Variants in SNX32 observed in about 807,000 individuals in gnomAD.
The protein encoded by SNX32 is sorting nexin 32, also known as sorting nexin-32.
A neutral mutation model predicts 57.0 loss-of-function variants in SNX32; 58 were observed. That is an observed-to-expected ratio of 1.02 (90% CI 0.82 to 1.27). The LOEUF (loss-of-function observed/expected upper bound fraction) is 1.27. Ranked by LOEUF, SNX32 falls within the 50% of genes most tolerant of loss-of-function variation. The pLI, the probability that SNX32 is intolerant of heterozygous loss-of-function variation, is 0.00. For synonymous variants in SNX32, 262 were observed against 220.4 expected, an observed-to-expected ratio of 1.19 and a Z score of -1.67; for missense variants, 589 against 541.2, an observed-to-expected ratio of 1.09 and a Z score of -0.88.
chr11:65,850,507 C>A lies in SNX32; in HGVS notation c.451C>A (p.Leu151Met), dbSNP rs763307587. ...FLQRLAAHPTLRRDHNFFVFL... is the reference protein window; with the variant it reads ...FLQRLAAHPTMRRDHNFFVFL... The stretch of plus-strand genomic sequence containing the variant: ...GCAGCGCCTGGCGGCCCACCCCACC[C>A]TGCGTCGAGACCACAACTTCTTTGT... Residue 151 changes from leucine to methionine, a missense_variant, in exon 5 of 13, where the codon CTG becomes ATG. Coordinates refer to ENST00000308342, the MANE Select transcript of SNX32 (RefSeq NM_152760.3). The A allele has an allele frequency of 1.2e-6, 2 of 1,613,754 alleles. No individual in the cohort carries two copies. The highest frequency in any genetic ancestry group is 2.7e-5 in the African/African-American group (2 of 74,924).
Position 65,852,916 on chromosome 11 carries a change from G to C in SNX32, c.1116G>C (p.Lys372Asn). Residue 372 changes from lysine (K) to asparagine (N), a missense_variant, in exon 12 of 13, where the codon AAG becomes AAC. Coordinates refer to ENST00000308342, the MANE Select transcript of SNX32 (RefSeq NM_152760.3). ...FKSRRVSSFR[K>N]NLIELAELEL... ...CCCGCCGGGTCTCCTCTTTTCGAAA[G>C]AATCTCATTGAGCTGGCAGAGCTGG... The C allele has an allele frequency of 6.2e-7, 1 of 1,614,172 alleles. No individual in the cohort carries two copies. Among genetic ancestry groups the C allele is most frequent in the African/African-American group, 1.3e-5 (1 of 75,040 alleles).
chr11:65,839,218 TTTTTGTA>T (rs1215334565), intron 1 of SNX32, among the ~76,000 whole-genome samples: 52 of 20,522 alleles, frequency 2.5e-3, no homozygotes, highest in African/African-American at 5.0e-3. Context: ...CCAGCTAATT[TTTTTGTA>T]TTTTTTTTTT....
rs1168882508 is a variant in SNX32 at position 65,839,225 on chromosome 11, ATTT to A, written c.36+5144_36+5146del. Among the ~76,000 whole-genome samples, 156 of 27,648 alleles carry A rather than the reference ATTT, an allele frequency of 5.6e-3. 10 individuals carry two copies. The South Asian group carries it at 0.1, about 18-fold the overall frequency. 18.1% of individuals were successfully genotyped at this position (27,648 alleles called of 152,430 possible). On this transcript the variant is annotated intron_variant, in intron 1 of 12. Transcript: ENST00000308342. ...CACCACGCCCAGCTAATTTTTTTGT[ATTT>A]TTTTTTTTTTTTTTTTTTTGAGACG...
chr11:65,846,704 C>T (rs2134695545), intron 1 of SNX32, among the ~76,000 whole-genome samples: 1 of 151,364 alleles, frequency 6.6e-6, no homozygotes, highest in African/African-American at 2.4e-5. Context: ...ATGTTTTTTG[C>T]CAGGCACGGT....
intron 1 of SNX32, among the ~76,000 whole-genome samples, chr11:65,849,014 C>T (rs1254857038): frequency 1.3e-5 from 2 of 152,234 alleles, no homozygotes; most frequent in African/African-American, 4.8e-5. Context: ...CATGGTGGCT[C>T]ATGCCTGTGG....
chr11:65,853,160 TAAC>T lies in SNX32; in HGVS notation c.1159-120_1159-118del, dbSNP rs1003004123. On this transcript the variant is annotated intron_variant, in intron 12 of 12. Coordinates refer to ENST00000308342, the MANE Select transcript of SNX32 (RefSeq NM_152760.3). The stretch of plus-strand genomic sequence containing the variant: ...TGCCTTCTGGGTAGGAAGGCCCAAT[TAAC>T]AGCAGCTGTTATTGCAGAGAGCAGG... The T allele has an allele frequency of 2.8e-5, 40 of 1,447,494 alleles. No homozygotes were observed. In the Admixed American group the frequency reaches 6.6e-4, roughly 24 times the overall value. 89.7% of individuals were successfully genotyped at this position (1,447,494 alleles called of 1,614,324 possible). A position where few individuals can be genotyped will look rare whatever the true frequency, so the allele number is the denominator to read the frequency against.
rs773122832 is a variant in SNX32 at position 65,852,717 on chromosome 11, G to A, written c.1000G>A (p.Val334Met). 1.2e-6 allele frequency: 2 copies of A among 1,600,860 alleles called. No homozygotes were observed. The highest frequency in any genetic ancestry group is 1.7e-5 in the Admixed American group (1 of 58,754). The change falls in exon 11 of 13, where the codon GTG (valine) becomes ATG (methionine). Residue 334 changes from valine to methionine, a missense_variant. Val to Met is a conservative substitution (Grantham distance 21, BLOSUM62 1). Coordinates refer to ENST00000308342, the MANE Select transcript of SNX32 (RefSeq NM_152760.3). ...LDKARTRNRE[V>M]RPAESHQQLC... ...CAAGGCGCGCACCAGGAACCGGGAG[G>A]TGCGGCCCGCCGAGAGCCACCAGCA...
In SNX32 at chr11:65,853,544, A is replaced by C; in HGVS notation, c.*209A>C. The C allele has an allele frequency of 1.7e-6, 1 of 600,304 alleles. No individual in the cohort carries two copies. The highest frequency in any genetic ancestry group is 4.4e-4 in the Middle Eastern group (1 of 2,284). The allele number at this position is 600,304 out of a possible 1,614,324, so 37.2% of individuals were successfully genotyped here. A position where few individuals can be genotyped will look rare whatever the true frequency, so the allele number is the denominator to read the frequency against. On this transcript the variant is annotated 3_prime_UTR_variant, in exon 13 of 13. Coordinates refer to ENST00000308342, the MANE Select transcript of SNX32 (RefSeq NM_152760.3). Reference sequence around the variant, plus strand: ...CAAGACACAGGGCAGCATGGGCATCATAACTGGCCACAGTCAGCAGAGCCC... The same window carrying C: ...CAAGACACAGGGCAGCATGGGCATCCTAACTGGCCACAGTCAGCAGAGCCC...
In SNX32 at chr11:65,849,488, C is replaced by T; in HGVS notation, c.47C>T (p.Ala16Val). 1 of 1,611,306 alleles carries T rather than the reference C, an allele frequency of 6.2e-7. No individual in the cohort carries two copies. ...EVGKEGKPSC[A>V]SVDLQGDSSL... ...TCCCCTCCTCCGCAGCCTTCCTGTG[C>T]ATCGGTGGATCTGCAGGGAGACAGC... The change falls in exon 2 of 13, where the codon GCA becomes GTA. Residue 16 changes from alanine to valine, a missense_variant. By Grantham distance (64) the Ala-to-Val change is moderately conservative. Coordinates refer to ENST00000308342, the MANE Select transcript of SNX32 (RefSeq NM_152760.3).
rs200429771 is a variant in SNX32, at chr11:65,850,495, G to C, written c.439G>C (p.Ala147Pro). The change falls in exon 5 of 13, where the codon GCC becomes CCC. Residue 147 changes from alanine to proline, a missense_variant. By Grantham distance (27) the Ala-to-Pro change is conservative. Coordinates refer to ENST00000308342, the MANE Select transcript of SNX32 (RefSeq NM_152760.3). ...MHEVFLQRLA[A>P]HPTLRRDHNF... The stretch of plus-strand genomic sequence containing the variant: ...CGAAGTCTTTCTGCAGCGCCTGGCG[G>C]CCCACCCCACCCTGCGTCGAGACCA... 1 of 1,614,090 alleles carries C rather than the reference G, an allele frequency of 6.2e-7. No homozygotes were observed. The highest frequency in any genetic ancestry group is 1.7e-5 in the Admixed American group (1 of 60,014).
intron 1 of SNX32, among the ~76,000 whole-genome samples, chr11:65,839,472 G>T (rs1858776346): frequency 6.8e-6 from 1 of 146,466 alleles, no homozygotes; most frequent in African/African-American, 2.6e-5. Context: ...CTCGTGATCC[G>T]CCCGCCTCGG....
At chr11:65,839,162 C>A (rs1163994865) in intron 1 of SNX32, among the ~76,000 whole-genome samples, 1 of 149,474 alleles carries the variant, frequency 6.7e-6, no homozygotes, top group Non-Finnish European at 1.5e-5. Flanking sequence ...AATTCTCCTG[C>A]CTCAGTCTCC....
chr11:65,850,547 G>C lies in SNX32; in HGVS notation c.491G>C (p.Gly164Ala), dbSNP rs1859147659. 5 of 1,607,190 alleles carry C rather than the reference G, an allele frequency of 3.1e-6. No homozygotes were observed. The highest frequency in any genetic ancestry group is 4.2e-6 in the Non-Finnish European group (5 of 1,176,790). Residue 164 changes from glycine (G) to alanine (A), a missense_variant, in exon 5 of 13, where the codon GGA (glycine) becomes GCA (alanine). By Grantham distance (60) the Gly-to-Ala change is moderately conservative. Transcript: ENST00000308342. The part of the protein sequence containing the change: ...DHNFFVFLEY[G>A]QDLSVRGKNR... ...AACTTCTTTGTGTTTTTGGAATATGGACAGGATGTGAGCTGGGCCGAATCC... is the reference window on the plus strand; with the variant it reads ...AACTTCTTTGTGTTTTTGGAATATGCACAGGATGTGAGCTGGGCCGAATCC...
chr11:65,842,949 CAAAAAAAAAAA>C (rs922615169), intron 1 of SNX32, among the ~76,000 whole-genome samples: 11 of 41,238 alleles, frequency 2.7e-4, no homozygotes, highest in South Asian at 9.8e-4. Context: ...AACTCCATCT[CAAAAAAAAAAA>C]AAAAAAAAAA....
At chr11:65,850,405 C>T (rs747040594) in intron 4 of SNX32, 26 bp from the exon 5 acceptor site, 1 of 1,613,578 alleles carries the variant, frequency 6.2e-7, no homozygotes. Flanking sequence ...CTGAGGAGGG[C>T]CGGTGAGCTG....
At chr11:65,839,011 C>A (rs1312782468) in intron 1 of SNX32, among the ~76,000 whole-genome samples, 1 of 151,216 alleles carries the variant, frequency 6.6e-6, no homozygotes, top group Admixed American at 6.6e-5. Context: ...AAGAAGAAAG[C>A]CTTGAGTATA....
At chr11:65,839,232 T>TTTTTTTTTTTTTTTTTG (rs1858763584) in intron 1 of SNX32, among the ~76,000 whole-genome samples, 4 of 19,356 alleles carry the variant, frequency 2.1e-4, no homozygotes, top group Non-Finnish European at 5.7e-4. Context: ...TGTATTTTTT[T>TTTTTTTTTTTTTTTTTG]TTTTTTTTTT....
At chr11:65,850,114 T>C in intron 3 of SNX32, 36 bp from the exon 4 acceptor site, 3 of 1,614,188 alleles carry the variant, frequency 1.9e-6, no homozygotes, top group African/African-American at 1.3e-5. Context: ...GTCTCGGCAG[T>C]GAGAGGCCTC....
At chr11:65,849,180 G>A (rs1175839484) in intron 1 of SNX32, among the ~76,000 whole-genome samples, 1 of 152,164 alleles carries the variant, frequency 6.6e-6, no homozygotes, top group Non-Finnish European at 1.5e-5. Context: ...TTTCAATCTG[G>A]CACTGTCGCT....
Sources: allele counts gnomAD v4.1 joint callset (sites outside exome capture counted in the v4.1 genomes callset), GRCh38; gene constraint gnomAD v4.1.1; transcripts MANE v1.5; gene names NCBI Gene and HGNC (gene_info 2026-07-23, HGNC 2026-07-21).